ZFHX3: variants seen among roughly 807,000 people sequenced by gnomAD.
ZFHX3 encodes zinc finger homeobox protein 3.
A neutral mutation model predicts 279.1 loss-of-function variants in ZFHX3; 42 were observed. The ratio of observed to expected loss-of-function variants is 0.15; its 90% CI spans 0.12 to 0.19. The LOEUF (loss-of-function observed/expected upper bound fraction) is 0.19, where lower values mean the gene tolerates loss of function less well. ZFHX3 is among the 10% of genes least tolerant of loss of function. The pLI is 1.00. For missense variants in ZFHX3, 4,981 were observed against 4,754.0 expected, an observed-to-expected ratio of 1.05 and a Z score of -1.40; for synonymous variants, 2,293 against 1,957.8, an observed-to-expected ratio of 1.17 and a Z score of -4.52.
At chr16:73,050,886 C>T (rs1965435416), upstream of ZFHX3, among the ~76,000 whole-genome samples, 2 of 152,194 alleles carry the variant, frequency 1.3e-5, no homozygotes, top group Non-Finnish European at 1.5e-5. Context: ...AATCAGGGAG[C>T]GCTAACCCCT....
At chr16:73,636,262 C>T (rs1251325390) in intron 2 of ZFHX3, among the ~76,000 whole-genome samples, 1 of 152,162 alleles carries the variant, frequency 6.6e-6, no homozygotes, top group Admixed American at 6.6e-5. Context: ...GAGAAGAATA[C>T]ATGCTCAACA....
At chr16:73,274,249 G>A (rs1410893524) in intron 4 of ZFHX3, among the ~76,000 whole-genome samples, 1 of 152,196 alleles carries the variant, frequency 6.6e-6, no homozygotes, top group African/African-American at 2.4e-5. Flanking sequence ...AGGGATTTGT[G>A]TTCTCAAACT....
At chr16:73,529,330 T>C (rs2019751641) in intron 2 of ZFHX3, among the ~76,000 whole-genome samples, 1 of 152,136 alleles carries the variant, frequency 6.6e-6, no homozygotes, top group African/African-American at 2.4e-5. Flanking sequence ...GGACAAGAAA[T>C]CAAAGGGTTT....
intron 2 of ZFHX3, among the ~76,000 whole-genome samples, chr16:73,659,773 G>A (rs1316644730): frequency 6.6e-6 from 1 of 152,160 alleles, no homozygotes; most frequent in African/African-American, 2.4e-5. Flanking sequence ...CGTATATCGT[G>A]TACATGCCTT....
intron 5 of ZFHX3, among the ~76,000 whole-genome samples, chr16:72,816,009 T>A (rs567607202): frequency 1.3e-5 from 2 of 152,284 alleles, no homozygotes; most frequent in East Asian, 3.9e-4. Context: ...GGAAAAATCA[T>A]TGAGAATGCA....
intron 2 of ZFHX3, among the ~76,000 whole-genome samples, chr16:73,649,266 C>T (rs1384878151): frequency 6.6e-6 from 1 of 151,976 alleles, no homozygotes; most frequent in African/African-American, 2.4e-5. Flanking sequence ...GTAAAGCTTG[C>T]AATGTCTTAG....
At chr16:73,683,885 A>AT (rs2053051943) in intron 1 of ZFHX3, among the ~76,000 whole-genome samples, 1 of 152,274 alleles carries the variant, frequency 6.6e-6, no homozygotes, top group East Asian at 1.9e-4. Flanking sequence ...CTTCTTCTGT[A>AT]AAGGGCCATG....
At chr16:72,903,672 C>T (rs1246644798) in intron 3 of ZFHX3, among the ~76,000 whole-genome samples, 1 of 152,194 alleles carries the variant, frequency 6.6e-6, no homozygotes, top group East Asian at 1.9e-4. Flanking sequence ...CTTGTGACAA[C>T]TCCATTTTAT....
At chr16:73,053,482 G>GT (rs1965487094) in intron 1 of ZFHX3, among the ~76,000 whole-genome samples, 1 of 152,128 alleles carries the variant, frequency 6.6e-6, no homozygotes, top group South Asian at 2.1e-4. Flanking sequence ...TTTTCGGTGG[G>GT]TGGGGGCATG....
chr16:73,651,094 A>G (rs1484471324), intron 2 of ZFHX3, among the ~76,000 whole-genome samples: 1 of 152,202 alleles, frequency 6.6e-6, no homozygotes, highest in East Asian at 1.9e-4. Flanking sequence ...GATAAAGTAC[A>G]AAAGAGAACT....
intron 3 of ZFHX3, among the ~76,000 whole-genome samples, chr16:73,394,317 G>C (rs1305729162): frequency 1.3e-5 from 2 of 150,294 alleles, no homozygotes; most frequent in Non-Finnish European, 3.0e-5. Context: ...TTCTTTTTGA[G>C]ACAGAGTCTT....
intron 1 of ZFHX3, among the ~76,000 whole-genome samples, chr16:73,784,031 G>C (rs181870162): frequency 6.6e-6 from 1 of 152,194 alleles, no homozygotes; most frequent in East Asian, 1.9e-4. Context: ...TCTCTAGATG[G>C]GATGCCTGCA....
At chr16:73,693,462 A>G (rs1303861852) in intron 1 of ZFHX3, among the ~76,000 whole-genome samples, 1 of 152,004 alleles carries the variant, frequency 6.6e-6, no homozygotes, top group Non-Finnish European at 1.5e-5. Flanking sequence ...TTTGCGTTTG[A>G]GCTGCACCGA....
rs915777585 is a variant in ZFHX3, at chr16:73,328,162, G to T, written c.-1290-9826C>A. ...ATTGTTTTAAAAAGAAAATAGTCTT[G>T]GATTCTTGGATCCATCTGTAGTGCG... On this transcript the variant is annotated intron_variant, in intron 3 of 17. Coordinates refer to the ZFHX3 transcript ENST00000641206. Among the ~76,000 whole-genome samples, 10 of 151,936 alleles carry T rather than the reference G, an allele frequency of 6.6e-5. No individual in the cohort carries two copies. In the South Asian group the frequency reaches 1.7e-3, roughly 25 times the overall value.
chr16:73,742,994 G>T (rs1458104681), intron 1 of ZFHX3, among the ~76,000 whole-genome samples: 2 of 152,186 alleles, frequency 1.3e-5, no homozygotes, highest in Admixed American at 6.5e-5. Context: ...GGAAATGAGA[G>T]TCCTTTATAA....
upstream of ZFHX3, among the ~76,000 whole-genome samples, chr16:73,049,073 C>A (rs1230857017): frequency 6.6e-6 from 1 of 152,128 alleles, no homozygotes; most frequent in Middle Eastern, 3.2e-3. Context: ...CTTTCTATCT[C>A]CCCAAGTTCA....
chr16:73,041,045 C>CA (rs1278140967), intron 1 of ZFHX3, among the ~76,000 whole-genome samples: 1 of 152,158 alleles, frequency 6.6e-6, no homozygotes, highest in Non-Finnish European at 1.5e-5. Context: ...TTTTTTGATT[C>CA]ACCTTTGCTT....
intron 3 of ZFHX3, among the ~76,000 whole-genome samples, chr16:72,939,756 C>T (rs919099225): frequency 2.0e-5 from 3 of 152,270 alleles, no homozygotes; most frequent in East Asian, 3.9e-4. Context: ...GGTATGGTGG[C>T]AGGCGCCTGT....
chr16:73,854,297 G>A (rs773826614), intron 1 of ZFHX3, among the ~76,000 whole-genome samples: 2 of 152,094 alleles, frequency 1.3e-5, no homozygotes, highest in Non-Finnish European at 2.9e-5. Context: ...AGGCAGACGC[G>A]GGTGGATCAC....
Sources: gnomAD v4.1 joint callset for allele counts (sites outside exome capture counted in the v4.1 genomes callset) on GRCh38, gnomAD v4.1.1 for gene constraint, MANE v1.5 for transcripts, NCBI Gene and HGNC (gene_info 2026-07-23, HGNC 2026-07-21) for gene names.